Variants in PPFIA1 observed in about 807,000 individuals in gnomAD.
The protein encoded by PPFIA1 is liprin-alpha-1.
Under a neutral mutation model 149.9 loss-of-function variants are expected in PPFIA1, and 25 were observed. The ratio of observed to expected loss-of-function variants is 0.17; its 90% CI spans 0.12 to 0.23. The LOEUF (loss-of-function observed/expected upper bound fraction) is 0.23, where lower values mean the gene tolerates loss of function less well. Among genes scored for constraint, PPFIA1 ranks in the 10% least tolerant of loss-of-function variants. The pLI is 1.00. For synonymous variants in PPFIA1, 549 were observed against 552.8 expected, an observed-to-expected ratio of 0.99 and a Z score of 0.10; for missense variants, 1,362 against 1,506.5, an observed-to-expected ratio of 0.90 and a Z score of 1.59.
At chr11:70,378,386 A>G (rs1349037332) in intron 26 of PPFIA1, 191 bp downstream of exon 26, 5 of 1,290,580 alleles carry the variant, frequency 3.9e-6, no homozygotes, top group Non-Finnish European at 4.9e-6. Context: ...ATAATAATAG[A>G]ATTTTTAAAA....
intron 21 of PPFIA1, chr11:70,364,540 C>G (rs548110576): frequency 5.9e-5 from 9 of 152,200 alleles, no homozygotes; most frequent in African/African-American, 1.9e-4. Flanking sequence ...CTCCCAGTTA[C>G]CTTACAAAAA....
rs1259632641 is a variant in PPFIA1 at position 70,338,266 on chromosome 11, G to A, written c.1492-108G>A. Reference sequence around the variant, plus strand: ...ATTAAAATGTTTGGTATTTGTAACTGCTGATTTAACCTGTTAGGGTTATGC... The same window carrying A: ...ATTAAAATGTTTGGTATTTGTAACTACTGATTTAACCTGTTAGGGTTATGC... On this transcript the variant is annotated intron_variant, in intron 12 of 27. Coordinates refer to ENST00000253925, the MANE Select transcript of PPFIA1 (RefSeq NM_003626.5). 3.5e-6 allele frequency: 3 copies of A among 850,786 alleles called. No homozygotes were observed. The East Asian group carries it at 7.4e-5, about 21-fold the overall frequency. The allele number at this position is 850,786 out of a possible 1,614,324, so 52.7% of individuals were successfully genotyped here. A position where few individuals can be genotyped will look rare whatever the true frequency, so the allele number is the denominator to read the frequency against.
At chr11:70,296,357 C>A (rs2052018200) in intron 2 of PPFIA1, among the ~76,000 whole-genome samples, 1 of 152,044 alleles carries the variant, frequency 6.6e-6, no homozygotes, top group Non-Finnish European at 1.5e-5. Flanking sequence ...TTGTAGCGAG[C>A]CGAGATCACG....
At chr11:70,312,489 C>G (rs1168773576) in intron 2 of PPFIA1, among the ~76,000 whole-genome samples, 2 of 152,180 alleles carry the variant, frequency 1.3e-5, no homozygotes, top group Non-Finnish European at 2.9e-5. Flanking sequence ...CTATGCCTAG[C>G]TAGCGAATTA....
intron 14 of PPFIA1, among the ~76,000 whole-genome samples, chr11:70,340,478 G>A (rs2055261574): frequency 6.6e-6 from 1 of 152,176 alleles, no homozygotes; most frequent in Non-Finnish European, 1.5e-5. Flanking sequence ...ACATATATTC[G>A]TCATTTAGTG....
At chr11:70,331,234 C>CA (rs59451597) in intron 8 of PPFIA1, among the ~76,000 whole-genome samples, 1,461 of 109,320 alleles carry the variant, frequency 0.013, 19 homozygotes, top group African/African-American at 0.04. Flanking sequence ...GACTCCGTCT[C>CA]AAAAAAAAAA....
intron 21 of PPFIA1, chr11:70,371,627 T>G (rs1156912237): frequency 1.3e-5 from 1 of 75,002 alleles, no homozygotes; most frequent in African/African-American, 4.3e-5. Flanking sequence ...ATATTCTTAA[T>G]TTTTTTCTTT....
At chr11:70,289,024 A>G (rs192439014) in intron 2 of PPFIA1, among the ~76,000 whole-genome samples, 2,171 of 148,350 alleles carry the variant, frequency 0.015, 15 homozygotes, top group Admixed American at 0.026. Context: ...CTGGGGTGCA[A>G]TGGCGCCATC....
chr11:70,280,880 AT>A (rs140102270), intron 2 of PPFIA1, among the ~76,000 whole-genome samples: 1 of 151,894 alleles, frequency 6.6e-6, no homozygotes, highest in South Asian at 2.1e-4. Flanking sequence ...TAAAGTCCAG[AT>A]TTTTTTTACT....
At chr11:70,282,575 C>T (rs1177064959) in intron 2 of PPFIA1, among the ~76,000 whole-genome samples, 47 of 121,594 alleles carry the variant, frequency 3.9e-4, no homozygotes, top group Non-Finnish European at 6.6e-4. Flanking sequence ...GTCACCCAGG[C>T]TGGAGTGCAG....
At chr11:70,370,381 T>C (rs574464160) in intron 21 of PPFIA1, among the ~76,000 whole-genome samples, 1 of 151,884 alleles carries the variant, frequency 6.6e-6, no homozygotes, top group South Asian at 2.1e-4. Flanking sequence ...TCTTCTAGTT[T>C]AAGTTTTAAT....
intron 1 of PPFIA1, 179 bp from the exon 2 acceptor site, chr11:70,271,994 T>C: frequency 1.4e-6 from 1 of 727,290 alleles, no homozygotes; most frequent in East Asian, 2.5e-5. Context: ...ATGTTGTGTA[T>C]TTTTGCACTT....
rs886694073 is a variant in PPFIA1, at chr11:70,383,307, C to A, written c.*317C>A. 21 of 247,992 alleles carry A rather than the reference C, an allele frequency of 8.5e-5. No individual in the cohort carries two copies. Among genetic ancestry groups the A allele is most frequent in the Middle Eastern group, 2.8e-3 (2 of 724 alleles). The allele number at this position is 247,992 out of a possible 1,614,324, so 15.4% of individuals were successfully genotyped here. On this transcript the variant is annotated 3_prime_UTR_variant, in exon 28 of 28. Coordinates refer to ENST00000253925, the MANE Select transcript of PPFIA1 (RefSeq NM_003626.5). ...GTTCTTATACCTAATTTTAGTCTTT[C>A]AAATGAATGTACTGTAATGCTTGTA... is the stretch of plus-strand genomic sequence containing the variant.
At chr11:70,346,167 C>T (rs1418124699) in intron 15 of PPFIA1, among the ~76,000 whole-genome samples, 1 of 152,252 alleles carries the variant, frequency 6.6e-6, no homozygotes, top group South Asian at 2.1e-4. Context: ...CCCACGCTGG[C>T]TTGGCCTAGG....
chr11:70,279,101 TACCTCTGCGGTGAGGTA>T, intron 2 of PPFIA1: 1 of 534,520 alleles, frequency 1.9e-6, no homozygotes, highest in Non-Finnish European at 3.5e-6. Flanking sequence ...CCAGTTCAAG[TACCTCTGCGGTGAGGTA>T]CTCCAGGATG....
At chr11:70,342,674 C>T (rs915494606) in intron 14 of PPFIA1, among the ~76,000 whole-genome samples, 3 of 152,084 alleles carry the variant, frequency 2.0e-5, no homozygotes, top group Admixed American at 6.5e-5. Context: ...ATGAAATTTA[C>T]GGCAACTGAG....
At chr11:70,273,754 A>G (rs1200743353) in intron 2 of PPFIA1, among the ~76,000 whole-genome samples, 2 of 152,214 alleles carry the variant, frequency 1.3e-5, no homozygotes, top group Non-Finnish European at 1.5e-5. Context: ...CTTATAAATT[A>G]CCAAGTTTAT....
intron 2 of PPFIA1, among the ~76,000 whole-genome samples, chr11:70,312,338 G>A (rs888980036): frequency 6.6e-6 from 1 of 151,758 alleles, no homozygotes; most frequent in Admixed American, 6.6e-5. Flanking sequence ...ATACAGGTGC[G>A]CACCACCACA....
rs569514964 is a variant in PPFIA1 at position 70,316,356 on chromosome 11, G to A, written c.265-8046G>A. ...CAATGTGCTGGGATTACAGGCATGT[G>A]CCACCATGCCCTGCCAATTTCCCTT... On this transcript the variant is annotated intron_variant, in intron 2 of 27. Coordinates refer to ENST00000253925, the MANE Select transcript of PPFIA1 (RefSeq NM_003626.5). Among the ~76,000 whole-genome samples, 28 of 152,338 alleles carry A rather than the reference G, an allele frequency of 1.8e-4. No homozygotes were observed. The South Asian group carries it at 5.8e-3, about 32-fold the overall frequency.
Sources: gnomAD v4.1 joint callset for allele counts (sites outside exome capture counted in the v4.1 genomes callset) on GRCh38, gnomAD v4.1.1 for gene constraint, MANE v1.5 for transcripts, NCBI Gene and HGNC (gene_info 2026-07-23, HGNC 2026-07-21) for gene names.